Variants in FHIT observed in about 807,000 individuals in gnomAD.
FHIT encodes fragile histidine triad diadenosine triphosphatase.
A neutral mutation model predicts 17.9 loss-of-function variants in FHIT; 19 were observed. That is an observed-to-expected ratio of 1.06 (90% CI 0.74 to 1.56). The LOEUF is 1.56. FHIT is among the 40% of genes most tolerant of loss of function. The pLI is 0.00. For missense variants in FHIT, 248 were observed against 189.2 expected (o/e 1.31, Z -1.82); for synonymous variants, 81 against 69.7 (o/e 1.16, Z -0.81).
intron 3 of FHIT, among the ~76,000 whole-genome samples, chr3:60,971,402 T>A (rs114269075): frequency 6.6e-6 from 1 of 152,318 alleles, no homozygotes; most frequent in Non-Finnish European, 1.5e-5. Context: ...TTTCCAAATG[T>A]CTCAAATGTG....
At chr3:60,477,745 C>T (rs2033418014) in intron 5 of FHIT, among the ~76,000 whole-genome samples, 2 of 152,130 alleles carry the variant, frequency 1.3e-5, no homozygotes, top group Non-Finnish European at 2.9e-5. Context: ...TTGCATTTGT[C>T]TCAGGAATCA....
chr3:60,336,581 C>T (rs561815857), intron 5 of FHIT, among the ~76,000 whole-genome samples: 1 of 152,216 alleles, frequency 6.6e-6, no homozygotes, highest in South Asian at 2.1e-4. Context: ...TCTGTGCTAT[C>T]CAATATGGTA....
chr3:60,769,709 A>C (rs1553722522), intron 4 of FHIT, among the ~76,000 whole-genome samples: 1 of 152,238 alleles, frequency 6.6e-6, no homozygotes, highest in Non-Finnish European at 1.5e-5. Flanking sequence ...ACGCAGTTTG[A>C]ACATTCAGCA....
intron 5 of FHIT, among the ~76,000 whole-genome samples, chr3:60,271,370 T>C (rs1255540622): frequency 6.6e-6 from 1 of 152,088 alleles, no homozygotes; most frequent in Admixed American, 6.6e-5. Flanking sequence ...GCCACTGCAC[T>C]CCAGCCTGGG....
intron 4 of FHIT, among the ~76,000 whole-genome samples, chr3:60,726,652 A>G (rs1474442489): frequency 6.6e-6 from 1 of 152,206 alleles, no homozygotes; most frequent in African/African-American, 2.4e-5. Context: ...GATAAATACA[A>G]TAATAATAGC....
chr3:61,108,904 CT>C (rs2036071838), intron 2 of FHIT, among the ~76,000 whole-genome samples: 1 of 152,126 alleles, frequency 6.6e-6, no homozygotes, highest in African/African-American at 2.4e-5. Flanking sequence ...GCTTCACAAA[CT>C]TTTTCAGCAC....
At chr3:59,776,069 G>C (rs555156162) in intron 8 of FHIT, among the ~76,000 whole-genome samples, 19 of 152,334 alleles carry the variant, frequency 1.2e-4, no homozygotes, top group African/African-American at 4.1e-4. Flanking sequence ...TGCCTGCCCA[G>C]CTCCTTACAT....
intron 5 of FHIT, among the ~76,000 whole-genome samples, chr3:60,339,226 T>G (rs9843529): frequency 2.0e-5 from 3 of 152,214 alleles, no homozygotes; most frequent in African/African-American, 7.2e-5. Flanking sequence ...TTTCCTTTTT[T>G]TTCTTTCTTG....
intron 1 of FHIT, among the ~76,000 whole-genome samples, chr3:61,201,836 TAA>T (rs2039022429): frequency 6.6e-6 from 1 of 152,142 alleles, no homozygotes; most frequent in Non-Finnish European, 1.5e-5. Flanking sequence ...TTGTGAAATC[TAA>T]GAGATGAATA....
intron 4 of FHIT, among the ~76,000 whole-genome samples, chr3:60,814,008 A>G (rs1394006510): frequency 1.3e-5 from 2 of 152,160 alleles, no homozygotes; most frequent in African/African-American, 4.8e-5. Flanking sequence ...TTAACAGAAC[A>G]TAGCTGTTCT....
At chr3:59,982,311 G>C (rs559004957) in intron 7 of FHIT, among the ~76,000 whole-genome samples, 1 of 152,034 alleles carries the variant, frequency 6.6e-6, no homozygotes, top group African/African-American at 2.4e-5. Context: ...TGTAGCTTTT[G>C]GGGCAACAAA....
At chr3:60,436,102 G>A (rs2030213278) in intron 5 of FHIT, among the ~76,000 whole-genome samples, 2 of 152,106 alleles carry the variant, frequency 1.3e-5, no homozygotes, top group South Asian at 4.2e-4. Flanking sequence ...GAATGCAGTA[G>A]CACGATCTTG....
intron 4 of FHIT, among the ~76,000 whole-genome samples, chr3:60,664,142 T>C (rs2040326316): frequency 6.6e-6 from 1 of 152,204 alleles, no homozygotes; most frequent in African/African-American, 2.4e-5. Flanking sequence ...TGAGAATTTT[T>C]ATTATAAATA....
intron 5 of FHIT, among the ~76,000 whole-genome samples, chr3:60,364,367 C>T (rs1315987196): frequency 6.6e-6 from 1 of 152,228 alleles, no homozygotes. Flanking sequence ...CCCTCCTTGC[C>T]ATGGGCAAAA....
chr3:60,429,887 C>T (rs1702811238), intron 5 of FHIT, among the ~76,000 whole-genome samples: 2 of 152,016 alleles, frequency 1.3e-5, no homozygotes, highest in African/African-American at 4.8e-5. Context: ...CATTTCCATT[C>T]TTTCCTAAAC....
intron 3 of FHIT, among the ~76,000 whole-genome samples, chr3:60,899,726 G>A (rs572218445): frequency 3.3e-5 from 5 of 152,252 alleles, no homozygotes; most frequent in African/African-American, 7.2e-5. Flanking sequence ...AAACCCAGCC[G>A]GTGATTATCA....
intron 1 of FHIT, among the ~76,000 whole-genome samples, chr3:61,206,007 GA>G (rs1450702889): frequency 7.7e-6 from 1 of 130,202 alleles, no homozygotes; most frequent in Non-Finnish European, 1.7e-5. Context: ...AAGGTGTAAG[GA>G]AGGGATCCAG....
chr3:60,581,808 T>G (rs1227084037), intron 4 of FHIT, among the ~76,000 whole-genome samples: 1 of 152,048 alleles, frequency 6.6e-6, no homozygotes, highest in Non-Finnish European at 1.5e-5. Flanking sequence ...GGATTTACAG[T>G]GGGAGAAGTA....
intron 4 of FHIT, among the ~76,000 whole-genome samples, chr3:60,538,805 G>C (rs1457572512): frequency 6.6e-6 from 1 of 152,158 alleles, no homozygotes; most frequent in African/African-American, 2.4e-5. Flanking sequence ...ATGGATTAAA[G>C]ACTTAAATGT....
Sources: gnomAD v4.1 joint callset for allele counts (sites outside exome capture counted in the v4.1 genomes callset) on GRCh38, gnomAD v4.1.1 for gene constraint, MANE v1.5 for transcripts, NCBI Gene and HGNC (gene_info 2026-07-23, HGNC 2026-07-21) for gene names.